Variants in RGS8 observed in about 807,000 individuals in gnomAD.
RGS8 encodes the protein regulator of G-protein signaling 8.
In RGS8, 8 loss-of-function variants were observed where a neutral mutation model predicts 21.7. The observed-to-expected ratio is 0.37, with a 90% CI of 0.22 to 0.66. RGS8 has a LOEUF of 0.66. Ranked by LOEUF, RGS8 falls within the 30% of genes least tolerant of loss-of-function variation. The pLI, the probability that RGS8 is intolerant of heterozygous loss-of-function variation, is 0.59. For synonymous variants in RGS8, 80 were observed against 83.6 expected (o/e 0.96, Z 0.24); for missense variants, 157 against 217.9 (o/e 0.72, Z 1.76).
At chr1:182,724,259 T>C in the RGS8 span, among the ~76,000 whole-genome samples, 1 of 139,802 alleles carries the variant, frequency 7.2e-6, no homozygotes, top group African/African-American at 2.6e-5. Flanking sequence ...CTATTATTTC[T>C]GTCCCTCTAG....
chr1:182,642,180 G>A (rs1571295779), downstream of RGS8: 3 of 152,252 alleles, frequency 2.0e-5, no homozygotes, highest in South Asian at 6.2e-4. Flanking sequence ...ACAGCATCTT[G>A]TGGAGTCCTG....
At chr1:182,692,998 A>G in the RGS8 span, among the ~76,000 whole-genome samples, 1 of 152,362 alleles carries the variant, frequency 6.6e-6, no homozygotes, top group Admixed American at 6.5e-5. Flanking sequence ...TAAAGACTTA[A>G]ATATAAAACC....
chr1:182,666,675 T>C (rs1334265069), intron 4 of RGS8, among the ~76,000 whole-genome samples, 197 bp downstream of exon 5: 1 of 149,680 alleles, frequency 6.7e-6, no homozygotes, highest in Non-Finnish European at 1.5e-5. Context: ...AAAAAGAGGA[T>C]TCCCATTCTG....
the RGS8 span, among the ~76,000 whole-genome samples, chr1:182,711,442 C>T: frequency 8.8e-4 from 134 of 152,260 alleles, no homozygotes; most frequent in African/African-American, 3.0e-3. Context: ...TTACCTGCAA[C>T]GTTTGATCTC....
chr1:182,695,492 T>TA, the RGS8 span, among the ~76,000 whole-genome samples: 9 of 151,444 alleles, frequency 5.9e-5, no homozygotes, highest in African/African-American at 1.9e-4. Flanking sequence ...CGCAATCACT[T>TA]AAAAAAAAAT....
At chr1:182,682,102 G>A (rs921791143) in intron 1 of RGS8, among the ~76,000 whole-genome samples, 1 of 152,206 alleles carries the variant, frequency 6.6e-6, no homozygotes, top group Non-Finnish European at 1.5e-5. Context: ...ATAAAACAGA[G>A]AGCCTGGAAT....
Position 182,684,298 on chromosome 1 carries a change from TGACCTGCCCAGG to T in RGS8, n.221+46_221+57del, listed in dbSNP as rs1664638170. ...TCTCAGCAAGACTTATAGCCTGGGCTGACCTGCCCAGGGACCCACTCAGGCCCTGATGGAAGC... is the reference window on the plus strand; with the variant it reads ...TCTCAGCAAGACTTATAGCCTGGGCTGACCCACTCAGGCCCTGATGGAAGC... On this transcript the variant is annotated intron_variant and non_coding_transcript_variant, in intron 1 of 4. Coordinates refer to the RGS8 transcript ENST00000515211. This position sits in a 1 kb window ranked among gnomAD's most constrained non-coding sequence, Gnocchi z 4.2. 6.6e-6 allele frequency: 1 copy of T among 152,382 alleles called. No individual in the cohort carries two copies. 9.4% of individuals were successfully genotyped at this position (152,382 alleles called of 1,614,324 possible). A position where few individuals can be genotyped will look rare whatever the true frequency, so the allele number is the denominator to read the frequency against.
At chr1:182,704,299 T>C in the RGS8 span, among the ~76,000 whole-genome samples, 27 of 152,376 alleles carry the variant, frequency 1.8e-4, no homozygotes, top group African/African-American at 6.0e-4. Flanking sequence ...TTCTTGAAAC[T>C]GCACATCTGC....
intron 5 of RGS8, among the ~76,000 whole-genome samples, chr1:182,656,747 G>GT (rs1390805057): frequency 6.6e-6 from 1 of 152,140 alleles, no homozygotes; most frequent in Non-Finnish European, 1.5e-5. Context: ...GGGGAGAATG[G>GT]CCCTCCCTCA....
At chr1:182,742,681 T>A in the RGS8 span, among the ~76,000 whole-genome samples, 7 of 152,172 alleles carry the variant, frequency 4.6e-5, no homozygotes, top group East Asian at 9.7e-4. Context: ...TGAGCCGAGA[T>A]GGCAGCAGTA....
At chr1:182,686,534 G>T (rs563185930), upstream of RGS8, among the ~76,000 whole-genome samples, 1 of 152,176 alleles carries the variant, frequency 6.6e-6, no homozygotes, top group African/African-American at 2.4e-5. Context: ...AGCTCAGAAT[G>T]TGGGGCTTGG....
the RGS8 span, among the ~76,000 whole-genome samples, chr1:182,720,892 CATAT>C: frequency 2.9e-5 from 2 of 69,730 alleles, no homozygotes; most frequent in African/African-American, 9.6e-5. Flanking sequence ...TATATATACA[CATAT>C]ATATACATAT....
At chr1:182,667,386 A>G (rs1246810625) in intron 3 of RGS8, among the ~76,000 whole-genome samples, 2 of 152,236 alleles carry the variant, frequency 1.3e-5, no homozygotes, top group Admixed American at 1.3e-4. Context: ...AAGGGGTACC[A>G]ACACCAGGAG....
At chr1:182,720,171 G>GTTTGT in the RGS8 span, among the ~76,000 whole-genome samples, 1 of 152,056 alleles carries the variant, frequency 6.6e-6, no homozygotes, top group Admixed American at 6.5e-5. Flanking sequence ...TTGTTTGTTT[G>GTTTGT]TTTGTTTTGT....
chr1:182,686,742 T>G (rs79324229), upstream of RGS8, among the ~76,000 whole-genome samples: 4,987 of 152,072 alleles, frequency 0.033, 117 homozygotes, highest in Non-Finnish European at 0.044. Flanking sequence ...AGAGGTAGGA[T>G]TTGGGAGCTC....
the RGS8 span, among the ~76,000 whole-genome samples, chr1:182,743,889 A>C: frequency 7.9e-5 from 12 of 152,318 alleles, no homozygotes; most frequent in South Asian, 1.0e-3. Context: ...ACACATGTGC[A>C]TATATGTATG....
intron 2 of RGS8, among the ~76,000 whole-genome samples, 171 bp downstream of exon 3, chr1:182,671,486 A>T (rs917428249): frequency 2.0e-5 from 3 of 152,250 alleles, no homozygotes; most frequent in African/African-American, 7.2e-5. Context: ...AGAAAAAATG[A>T]AAGTTAAAAG....
chr1:182,730,120 C>T, the RGS8 span, among the ~76,000 whole-genome samples: 17 of 152,190 alleles, frequency 1.1e-4, no homozygotes, highest in South Asian at 3.3e-3. Context: ...ATTCACTTCC[C>T]CAACCTTCCT....
At chr1:182,680,984 T>C (rs1393946694) in intron 1 of RGS8, among the ~76,000 whole-genome samples, 1 of 152,226 alleles carries the variant, frequency 6.6e-6, no homozygotes, top group Admixed American at 6.5e-5. Context: ...GACCTTGCCT[T>C]CTCATCTCTG....
Sources: gnomAD v4.1 joint callset for allele counts (sites outside exome capture counted in the v4.1 genomes callset) on GRCh38, gnomAD v4.1.1 for gene constraint, Gnocchi (gnomAD v3.1) non-coding constraint, MANE v1.5 for transcripts, NCBI Gene and HGNC (gene_info 2026-07-23, HGNC 2026-07-21) for gene names.